Variants in NALF1 observed in about 807,000 individuals in gnomAD.
NALF1 encodes NALCN channel auxiliary factor 1, also known as family with sequence similarity 155 member A.
In NALF1, 3 loss-of-function variants were observed where a neutral mutation model predicts 48.4. The observed-to-expected ratio is 0.06, with a 90% confidence interval of 0.03 to 0.16. The LOEUF (loss-of-function observed/expected upper bound fraction) is 0.16. Among genes scored for constraint, NALF1 ranks in the 10% least tolerant of loss-of-function variants. The pLI, the probability that NALF1 is intolerant of heterozygous loss-of-function variation, is 1.00. For missense variants in NALF1, 526 were observed against 571.5 expected, an observed-to-expected ratio of 0.92 and a Z score of 0.81; for synonymous variants, 262 against 245.7, an observed-to-expected ratio of 1.07 and a Z score of -0.62.
chr13:107,775,568 C>T (rs376857987), intron 1 of NALF1, among the ~76,000 whole-genome samples: 1 of 151,530 alleles, frequency 6.6e-6, no homozygotes, highest in Non-Finnish European at 1.5e-5. Context: ...TGGGTATATA[C>T]CCAGTAATGG....
At chr13:107,222,518 C>T (rs1015733588) in intron 1 of NALF1, among the ~76,000 whole-genome samples, 1 of 152,182 alleles carries the variant, frequency 6.6e-6, no homozygotes, top group Admixed American at 6.5e-5. Flanking sequence ...TTATTATTTT[C>T]TTGTCATACT....
At chr13:107,600,474 C>CTAATTA (rs3072996) in intron 1 of NALF1, among the ~76,000 whole-genome samples, 122,920 of 151,468 alleles carry the variant, frequency 0.81, 49,867 homozygotes, top group Admixed American at 0.84. Context: ...GCCAGATATT[C>CTAATTA]TAACTATGTT....
intron 1 of NALF1, among the ~76,000 whole-genome samples, chr13:107,636,182 T>C (rs2138453312): frequency 6.6e-6 from 1 of 152,218 alleles, no homozygotes; most frequent in East Asian, 1.9e-4. Flanking sequence ...ACATCCCTCC[T>C]GCACAGCGAA....
At chr13:107,194,007 CT>C (rs1879335407) in intron 2 of NALF1, among the ~76,000 whole-genome samples, 2 of 128,278 alleles carry the variant, frequency 1.6e-5, no homozygotes, top group Non-Finnish European at 3.3e-5. Context: ...ACCTATCTAT[CT>C]TATCTATCTA....
intron 1 of NALF1, among the ~76,000 whole-genome samples, chr13:107,551,351 T>A (rs1345491545): frequency 6.6e-6 from 1 of 152,174 alleles, no homozygotes; most frequent in Admixed American, 6.5e-5. Context: ...AAGTCGATAA[T>A]CATATCTTTA....
intron 1 of NALF1, among the ~76,000 whole-genome samples, chr13:107,374,797 C>A (rs1415895982): frequency 6.6e-6 from 1 of 151,964 alleles, no homozygotes; most frequent in East Asian, 1.9e-4. Context: ...CCCTCTTGAA[C>A]TCTCTCACTC....
intron 1 of NALF1, among the ~76,000 whole-genome samples, chr13:107,271,810 A>ATT (rs1287963208): frequency 0.053 from 733 of 13,778 alleles, 14 homozygotes; most frequent in Non-Finnish European, 0.11. Context: ...ATATATATAT[A>ATT]TATATATTTA....
At chr13:107,381,099 A>C (rs1883430812) in intron 1 of NALF1, among the ~76,000 whole-genome samples, 1 of 149,010 alleles carries the variant, frequency 6.7e-6, no homozygotes, top group Non-Finnish European at 1.5e-5. Flanking sequence ...CATATATATG[A>C]AATAAAATAT....
chr13:107,581,109 G>A (rs559473105), intron 1 of NALF1, among the ~76,000 whole-genome samples: 85 of 152,224 alleles, frequency 5.6e-4, no homozygotes, highest in African/African-American at 1.9e-3. Context: ...ATAGAGTTAC[G>A]TCTCCTGTTT....
At chr13:107,846,761 T>G (rs1487504341) in intron 1 of NALF1, among the ~76,000 whole-genome samples, 1 of 152,174 alleles carries the variant, frequency 6.6e-6, no homozygotes, top group African/African-American at 2.4e-5. Flanking sequence ...TAAAGTGCCT[T>G]CGTGTTTATT....
At chr13:107,583,948 G>A (rs1026968186) in intron 1 of NALF1, among the ~76,000 whole-genome samples, 25 of 151,824 alleles carry the variant, frequency 1.6e-4, no homozygotes, top group African/African-American at 5.6e-4. Flanking sequence ...CCTATTCTAA[G>A]GACAAAAAAA....
At chr13:107,825,762 ATAAC>A (rs1260311432) in intron 1 of NALF1, among the ~76,000 whole-genome samples, 2 of 152,174 alleles carry the variant, frequency 1.3e-5, no homozygotes, top group African/African-American at 4.8e-5. Context: ...TATTTTGACT[ATAAC>A]TAGTACTATT....
chr13:107,246,358 T>C (rs2138839950), intron 1 of NALF1, among the ~76,000 whole-genome samples: 1 of 152,306 alleles, frequency 6.6e-6, no homozygotes, highest in Non-Finnish European at 1.5e-5. Context: ...ACAATCTTTT[T>C]TCATGAAGAG....
intron 2 of NALF1, among the ~76,000 whole-genome samples, chr13:107,206,219 T>A (rs60144969): frequency 0.013 from 2,032 of 152,192 alleles, 58 homozygotes; most frequent in African/African-American, 0.047. Context: ...TAGAAAAAAA[T>A]TCAAGAGAAA....
chr13:107,184,180 A>AT (rs1019089895), intron 2 of NALF1, among the ~76,000 whole-genome samples: 1 of 118,430 alleles, frequency 8.4e-6, no homozygotes, highest in Admixed American at 8.0e-5. Flanking sequence ...TAAAAGTGTA[A>AT]TAAAAAAAAA....
At chr13:107,811,314 A>G (rs1878983763) in intron 1 of NALF1, among the ~76,000 whole-genome samples, 1 of 152,158 alleles carries the variant, frequency 6.6e-6, no homozygotes, top group Non-Finnish European at 1.5e-5. Context: ...CACTTAAGAA[A>G]TTCTACCAAA....
chr13:107,368,436 T>G lies in NALF1; in HGVS notation c.916-157681A>C, dbSNP rs147000078. Among the ~76,000 whole-genome samples, 1,221 of 152,032 alleles carry G rather than the reference T, an allele frequency of 8.0e-3. 15 individuals are homozygous for G. The highest frequency in any genetic ancestry group is 0.028 in the African/African-American group (1,172 of 41,486). On this transcript the variant is annotated intron_variant, in intron 1 of 2. Transcript: ENST00000375915. ...CCTCCTGCGTAGCTGGGATTACAGA[T>G]GTGCACCACCACACCTGGCTAATTT... is the stretch of plus-strand genomic sequence containing the variant.
In NALF1 at chr13:107,652,647, C is replaced by T. The variant is rs575267260; in HGVS notation, c.915+213035G>A. ...AAATCTCAAACCATTACAGCATGAA[C>T]TCAAAATCCTAAGACTCGTCAGCTC... is the stretch of plus-strand genomic sequence containing the variant. On this transcript the variant is annotated intron_variant, in intron 1 of 2. Coordinates refer to ENST00000375915, the MANE Select transcript of NALF1 (RefSeq NM_001080396.3). 1.4e-4 allele frequency among the ~76,000 whole-genome samples: 22 copies of T among 152,194 alleles called. No homozygotes were observed. The South Asian group carries it at 1.9e-3, about 13-fold the overall frequency.
intron 1 of NALF1, among the ~76,000 whole-genome samples, chr13:107,760,313 A>C (rs201113835): frequency 3.9e-5 from 2 of 51,544 alleles, no homozygotes; most frequent in Non-Finnish European, 6.9e-5. Flanking sequence ...AGAAGATTTT[A>C]AAAATCAACA....
Sources: gnomAD v4.1 joint callset for allele counts (sites outside exome capture counted in the v4.1 genomes callset) on GRCh38, gnomAD v4.1.1 for gene constraint, MANE v1.5 for transcripts, NCBI Gene and HGNC (gene_info 2026-07-23, HGNC 2026-07-21) for gene names.